The following SSH2 variants were observed in gnomAD, a reference collection of about 807,000 sequenced individuals.
SSH2 encodes the protein protein phosphatase Slingshot homolog 2.
A neutral mutation model predicts 135.2 loss-of-function variants in SSH2; 37 were observed. That is an observed-to-expected ratio of 0.27 (90% CI 0.21 to 0.36). The LOEUF is 0.36. SSH2 is among the 10% of genes least tolerant of loss of function. The pLI is 1.00. For missense variants in SSH2, 1,408 were observed against 1,765.3 expected (o/e 0.80, Z 3.63); for synonymous variants, 628 against 646.2 (o/e 0.97, Z 0.43).
chr17:29,737,031 G>A (rs1195127123), intron 3 of SSH2, among the ~76,000 whole-genome samples: 6 of 145,300 alleles, frequency 4.1e-5, no homozygotes, highest in African/African-American at 1.5e-4. Context: ...CCCAGGAGGC[G>A]GAGCTTGCAG....
At chr17:29,660,783 G>A (rs2036999497) in intron 11 of SSH2, among the ~76,000 whole-genome samples, 1 of 151,926 alleles carries the variant, frequency 6.6e-6, no homozygotes, top group Non-Finnish European at 1.5e-5. Flanking sequence ...CTGGATGGGT[G>A]CAGTGGCTCA....
intron 1 of SSH2, among the ~76,000 whole-genome samples, chr17:29,913,362 A>AAAAAAAT (rs2066819232): frequency 1.1e-5 from 1 of 91,408 alleles, no homozygotes; most frequent in Non-Finnish European, 2.2e-5. Context: ...ATATATATAT[A>AAAAAAAT]TATATATATA....
intron 1 of SSH2, 73 bp downstream of exon 1, chr17:29,929,865 C>A: frequency 7.0e-7 from 1 of 1,427,696 alleles, no homozygotes; most frequent in South Asian, 1.2e-5. Context: ...CAGTGGCGTT[C>A]GGCGGGACCC....
intron 2 of SSH2, among the ~76,000 whole-genome samples, chr17:29,821,336 T>C (rs1347762122): frequency 1.3e-5 from 2 of 152,112 alleles, no homozygotes; most frequent in East Asian, 1.9e-4. Flanking sequence ...CATAGCTCAC[T>C]GGAGCTTTGA....
At chr17:29,849,971 A>C (rs1204456369) in intron 1 of SSH2, among the ~76,000 whole-genome samples, 2 of 142,510 alleles carry the variant, frequency 1.4e-5, no homozygotes, top group African/African-American at 5.2e-5. Context: ...CGGAGGTTTC[A>C]GTGAGCTGAG....
chr17:29,821,178 C>A (rs879562269), intron 2 of SSH2, among the ~76,000 whole-genome samples: 2 of 152,274 alleles, frequency 1.3e-5, no homozygotes, highest in Non-Finnish European at 2.9e-5. Context: ...GCCCTCCTTT[C>A]CTAAAGTCCT....
Position 29,724,581 on chromosome 17 carries a change from CTTTTTTTT to C in SSH2, c.189-21527_189-21520del, listed in dbSNP as rs560435177. 1.0e-4 allele frequency among the ~76,000 whole-genome samples: 8 copies of C among 76,548 alleles called. No homozygotes were observed. The South Asian group carries it at 1.5e-3, about 15-fold the overall frequency. The allele number at this position is 76,548 out of a possible 152,430, so 50.2% of individuals were successfully genotyped here. On this transcript the variant is annotated intron_variant, in intron 3 of 15. Transcript: ENST00000540801. ...ATTCTAAGGACCCAGATTACCAAAT[CTTTTTTTT>C]TTTTTTTTTTTTTTTCAAAGAGACA... is the stretch of plus-strand genomic sequence containing the variant.
chr17:29,856,736 T>C (rs577520465), intron 1 of SSH2, among the ~76,000 whole-genome samples: 1 of 152,328 alleles, frequency 6.6e-6, no homozygotes, highest in East Asian at 1.9e-4. Flanking sequence ...GTAATCACTA[T>C]GCCAGTTCCC....
rs543817153 is a variant in SSH2 at position 29,647,766 on chromosome 17, G to A, written c.1427+378C>T. On this transcript the variant is annotated intron_variant, in intron 14 of 15. Transcript: ENST00000540801. ...CAACCTCTGCCTCCCAGGTTCAAGC[G>A]ATTGTCCTGCCTCAGCCTCCCAAGT... 12 of 218,432 alleles carry A rather than the reference G, an allele frequency of 5.5e-5. 1 individual carries two copies. Among genetic ancestry groups the A allele is most frequent in the Middle Eastern group, 3.7e-3 (2 of 534 alleles). 13.5% of individuals were successfully genotyped at this position (218,432 alleles called of 1,614,324 possible). A position where few individuals can be genotyped will look rare whatever the true frequency, so the allele number is the denominator to read the frequency against.
intron 3 of SSH2, chr17:29,716,676 TTG>T: frequency 1.6e-6 from 1 of 634,382 alleles, no homozygotes; most frequent in East Asian, 3.6e-5. Context: ...CTCTTTCCCT[TTG>T]TGTTTGTTTT....
intron 11 of SSH2, among the ~76,000 whole-genome samples, chr17:29,661,616 C>T (rs561431017): frequency 1.3e-5 from 2 of 152,168 alleles, no homozygotes; most frequent in Non-Finnish European, 2.9e-5. Flanking sequence ...CCAAGAACTA[C>T]AAAGGACTTC....
rs117107910 is a variant in SSH2 at position 29,858,344 on chromosome 17, G to A, written c.64-9415C>T. 1.4e-4 allele frequency among the ~76,000 whole-genome samples: 21 copies of A among 152,264 alleles called. No homozygotes were observed. In the East Asian group the frequency reaches 3.5e-3, roughly 25 times the overall value. On this transcript the variant is annotated intron_variant, in intron 1 of 15. Coordinates refer to ENST00000540801, the MANE Select transcript of SSH2 (RefSeq NM_001282129.2). Reference sequence around the variant, plus strand: ...CAAGGAGTCCTAAAATCAAACAGGTGGCAGACCTGTGTTCCTTCTGCAGGA... The same window carrying A: ...CAAGGAGTCCTAAAATCAAACAGGTAGCAGACCTGTGTTCCTTCTGCAGGA...
intron 3 of SSH2, among the ~76,000 whole-genome samples, chr17:29,713,154 C>T (rs1158067597): frequency 2.0e-5 from 3 of 151,974 alleles, no homozygotes; most frequent in East Asian, 3.9e-4. Flanking sequence ...GCTAAAACAG[C>T]GAAATCTCAT....
rs1467160175 is a variant in SSH2 at position 29,666,966 on chromosome 17, C to T, written c.933G>A (p.Val311=). ...EIRTELEMQM[V]CNLREFKEFI... ...ATTCCTTGAATTCCCGCAAGTTGCA[C>T]ACCATTTGCATTTCCAACTCTGTTC... The change falls in exon 11 of 16, where the codon GTG becomes GTA. Residue 311 remains valine (V), a synonymous_variant. Transcript: ENST00000540801. 1.2e-6 allele frequency: 2 copies of T among 1,614,038 alleles called. No individual in the cohort carries two copies.
At chr17:29,717,554 T>C (rs1197611856) in intron 3 of SSH2, among the ~76,000 whole-genome samples, 2 of 152,100 alleles carry the variant, frequency 1.3e-5, no homozygotes, top group African/African-American at 2.4e-5. Flanking sequence ...ATTTTAGACA[T>C]GAGATGGTGT....
At position 29,930,006 on chromosome 17, in the gene SSH2, C is replaced by A; in HGVS notation, c.-6G>T. ...TGGACCGTGACCAAAGCCATCTAGG[C>A]GCTGCTGGGTTGTTCCGGGCAGGGC... On this transcript the variant is annotated 5_prime_UTR_variant, in exon 1 of 16. Transcript: ENST00000540801. 1 of 1,469,564 alleles carries A rather than the reference C, an allele frequency of 6.8e-7. No homozygotes were observed. The highest frequency in any genetic ancestry group is 9.2e-7 in the Non-Finnish European group (1 of 1,092,490). The allele number at this position is 1,469,564 out of a possible 1,614,324, so 91.0% of individuals were successfully genotyped here.
chr17:29,645,897 G>A (rs1161256635), intron 14 of SSH2: 5 of 151,992 alleles, frequency 3.3e-5, no homozygotes, highest in East Asian at 1.9e-4. Context: ...ACAATACTTC[G>A]GGGGCGGGAG....
intron 3 of SSH2, among the ~76,000 whole-genome samples, chr17:29,705,194 G>C (rs2039148466): frequency 6.6e-6 from 1 of 152,034 alleles, no homozygotes; most frequent in South Asian, 2.1e-4. Context: ...AATATATCTT[G>C]AACCTGCCCA....
At chr17:29,696,663 A>G (rs557216544) in intron 4 of SSH2, among the ~76,000 whole-genome samples, 10 of 142,066 alleles carry the variant, frequency 7.0e-5, no homozygotes, top group African/African-American at 2.8e-4. Context: ...GTATGTATAT[A>G]TATACGTACG....
Sources: gnomAD v4.1 joint callset for allele counts (sites outside exome capture counted in the v4.1 genomes callset) on GRCh38, gnomAD v4.1.1 for gene constraint, MANE v1.5 for transcripts, NCBI Gene and HGNC (gene_info 2026-07-23, HGNC 2026-07-21) for gene names.